Variants in RALGAPA1 observed in about 807,000 individuals in gnomAD.
RALGAPA1 encodes the protein ral GTPase-activating protein subunit alpha-1.
A neutral mutation model predicts 269.6 loss-of-function variants in RALGAPA1; 52 were observed. That is an observed-to-expected ratio of 0.19 (90% confidence interval 0.15 to 0.24). The LOEUF is 0.24. Among genes scored for constraint, RALGAPA1 ranks in the 10% least tolerant of loss-of-function variants. The probability of loss-of-function intolerance (pLI) is 1.00; values close to 1 mark genes in which losing one functional copy is unlikely to be tolerated. For synonymous variants in RALGAPA1, 817 were observed against 1,008.3 expected, an observed-to-expected ratio of 0.81 and a Z score of 3.60; for missense variants, 1,917 against 3,013.9, an observed-to-expected ratio of 0.64 and a Z score of 8.52.
At position 35,722,907 on chromosome 14, in the gene RALGAPA1, TTAAAAA is replaced by T; in HGVS notation, c.2104+114_2104+119del. On this transcript the variant is annotated intron_variant, in intron 15 of 41. Coordinates refer to ENST00000680220, the MANE Select transcript of RALGAPA1 (RefSeq NM_001346249.2). ...TATACATTTTCATTTTGTTTAATTC[TTAAAAA>T]TAAAATATTTAAGATTCTACTTATT... The T allele has an allele frequency of 7.3e-6, 4 of 548,812 alleles. No individual in the cohort carries two copies. In the Admixed American group the frequency reaches 1.3e-4, roughly 18 times the overall value. The allele number at this position is 548,812 out of a possible 1,614,324, so 34.0% of individuals were successfully genotyped here.
At position 35,808,668 on chromosome 14, in the gene RALGAPA1, G is replaced by T. The variant is rs546234373; in HGVS notation, c.106+62C>A. ...AGGTCCCGAGAGAGAGTCCGCAGGG[G>T]CTCCCAGGAGAGGGAAGGCCGGGCA... On this transcript the variant is annotated intron_variant, in intron 1 of 41. Coordinates refer to ENST00000680220, the MANE Select transcript of RALGAPA1 (RefSeq NM_001346249.2). The T allele has an allele frequency of 8.1e-5, 125 of 1,534,032 alleles. No homozygotes were observed. In the African/African-American group the frequency reaches 1.4e-3, roughly 17 times the overall value.
intron 12 of RALGAPA1, among the ~76,000 whole-genome samples, chr14:35,734,604 G>C (rs192066363): frequency 1.6e-4 from 24 of 152,232 alleles, no homozygotes; most frequent in African/African-American, 5.3e-4. Context: ...GAAAATTCTA[G>C]AAGATAACAT....
At chr14:35,702,715 TAAAA>T (rs1555409652) in intron 16 of RALGAPA1, among the ~76,000 whole-genome samples, 1 of 114,094 alleles carries the variant, frequency 8.8e-6, no homozygotes. Context: ...CACCTTTAAT[TAAAA>T]AAAAAAAATA....
intron 35 of RALGAPA1, among the ~76,000 whole-genome samples, chr14:35,617,609 A>G (rs911554427): frequency 5.1e-5 from 5 of 97,542 alleles, no homozygotes; most frequent in South Asian, 4.0e-4. Flanking sequence ...CAACAGCAAA[A>G]CTCCATCCTG....
At chr14:35,572,797 G>A (rs1196158659) in intron 37 of RALGAPA1, 79 bp from the exon 38 acceptor site, 7 of 1,014,362 alleles carry the variant, frequency 6.9e-6, no homozygotes, top group Non-Finnish European at 9.5e-6. Flanking sequence ...AACATAAAAA[G>A]GGGAAAAACG....
At chr14:35,605,279 C>A (rs932256096) in intron 36 of RALGAPA1, among the ~76,000 whole-genome samples, 1 of 152,038 alleles carries the variant, frequency 6.6e-6, no homozygotes, top group African/African-American at 2.4e-5. Flanking sequence ...CTTTGTGTAG[C>A]CATTAGGTCC....
At chr14:35,638,379 C>T (rs1314627654) in intron 31 of RALGAPA1, among the ~76,000 whole-genome samples, 4 of 152,050 alleles carry the variant, frequency 2.6e-5, no homozygotes, top group Non-Finnish European at 5.9e-5. Context: ...GTTGTTTATG[C>T]AGTCAGTGTC....
intron 1 of RALGAPA1, among the ~76,000 whole-genome samples, chr14:35,781,455 T>G (rs997057476): frequency 6.6e-6 from 1 of 152,174 alleles, no homozygotes; most frequent in Non-Finnish European, 1.5e-5. Flanking sequence ...TATTTCCCAC[T>G]CATTCTATGA....
chr14:35,788,585 G>A (rs1459626023), intron 1 of RALGAPA1, among the ~76,000 whole-genome samples: 5 of 152,158 alleles, frequency 3.3e-5, no homozygotes, highest in Admixed American at 3.3e-4. Flanking sequence ...AGGAGTTCAA[G>A]ACCAGCTTCA....
intron 36 of RALGAPA1, among the ~76,000 whole-genome samples, chr14:35,602,877 T>G (rs1027047111): frequency 3.3e-5 from 5 of 152,202 alleles, no homozygotes; most frequent in African/African-American, 1.2e-4. Context: ...AAATTCTAGG[T>G]CTTAACATTT....
chr14:35,727,310 C>CATATAT (rs34288628), intron 13 of RALGAPA1, among the ~76,000 whole-genome samples: 4,055 of 104,264 alleles, frequency 0.039, 100 homozygotes, highest in African/African-American at 0.047. Context: ...AAAATTATGG[C>CATATAT]ATATATATAT....
intron 35 of RALGAPA1, among the ~76,000 whole-genome samples, chr14:35,624,493 G>A (rs1303464617): frequency 6.6e-6 from 1 of 151,938 alleles, no homozygotes; most frequent in Non-Finnish European, 1.5e-5. Context: ...TAACAAACAA[G>A]TTTATTAAGA....
At chr14:35,701,805 G>C (rs1344552406) in intron 16 of RALGAPA1, among the ~76,000 whole-genome samples, 1 of 151,886 alleles carries the variant, frequency 6.6e-6, no homozygotes, top group Non-Finnish European at 1.5e-5. Flanking sequence ...ACCATGCTTG[G>C]CTAATTTTTT....
chr14:35,660,276 C>T (rs2063452462), intron 27 of RALGAPA1, among the ~76,000 whole-genome samples: 1 of 151,840 alleles, frequency 6.6e-6, no homozygotes, highest in African/African-American at 2.4e-5. Flanking sequence ...CAGACTCCAC[C>T]AAAAAACTGT....
chr14:35,584,190 A>C (rs2058125073), intron 37 of RALGAPA1, among the ~76,000 whole-genome samples: 1 of 152,222 alleles, frequency 6.6e-6, no homozygotes, highest in Non-Finnish European at 1.5e-5. Flanking sequence ...GAAATGAATG[A>C]CAGCAATGAT....
At chr14:35,695,106 G>GA (rs1165148589) in intron 17 of RALGAPA1, among the ~76,000 whole-genome samples, 3 of 150,606 alleles carry the variant, frequency 2.0e-5, no homozygotes, top group East Asian at 1.9e-4. Flanking sequence ...ATTATTCCAG[G>GA]AAAAAAAAAT....
intron 16 of RALGAPA1, among the ~76,000 whole-genome samples, chr14:35,714,771 T>G (rs1218988512): frequency 6.6e-6 from 1 of 152,220 alleles, no homozygotes; most frequent in Non-Finnish European, 1.5e-5. Context: ...ACATATTCTT[T>G]TAGAAGTTAT....
At chr14:35,732,278 AC>A (rs776178849) in intron 12 of RALGAPA1, among the ~76,000 whole-genome samples, 11 of 151,964 alleles carry the variant, frequency 7.2e-5, no homozygotes, top group African/African-American at 1.5e-4. Flanking sequence ...TCAAAACAGA[AC>A]CTTTTTAAAG....
intron 41 of RALGAPA1, among the ~76,000 whole-genome samples, chr14:35,545,084 T>C (rs1005232094): frequency 6.6e-6 from 1 of 152,216 alleles, no homozygotes; most frequent in Admixed American, 6.5e-5. Flanking sequence ...TAGCTTATGT[T>C]ACATATTGCA....
Sources: allele counts gnomAD v4.1 joint callset (sites outside exome capture counted in the v4.1 genomes callset), GRCh38; gene constraint gnomAD v4.1.1; transcripts MANE v1.5; gene names NCBI Gene and HGNC (gene_info 2026-07-23, HGNC 2026-07-21).